Variants in ATP8B1 observed in about 807,000 individuals in gnomAD.
ATP8B1 encodes ATPase phospholipid transporting 8B1.
In ATP8B1, 80 loss-of-function variants were observed where a neutral mutation model predicts 149.9. The observed-to-expected ratio is 0.53, with a 90% CI of 0.45 to 0.64. The LOEUF is 0.64. Ranked by LOEUF, ATP8B1 falls within the 30% of genes least tolerant of loss-of-function variation. The probability of loss-of-function intolerance (pLI) is 0.00; values close to 1 mark genes in which losing one functional copy is unlikely to be tolerated. For missense variants in ATP8B1, 1,247 were observed against 1,552.6 expected, an observed-to-expected ratio of 0.80 and a Z score of 3.31; for synonymous variants, 536 against 562.8, an observed-to-expected ratio of 0.95 and a Z score of 0.67.
intron 1 of ATP8B1, among the ~76,000 whole-genome samples, chr18:57,736,779 T>A (rs939800923): frequency 6.6e-6 from 1 of 151,916 alleles, no homozygotes; most frequent in African/African-American, 2.4e-5. Flanking sequence ...TGAGTTGACT[T>A]TTGTGTATGG....
At chr18:57,711,741 C>A (rs934328152) in intron 2 of ATP8B1, among the ~76,000 whole-genome samples, 1 of 152,072 alleles carries the variant, frequency 6.6e-6, no homozygotes, top group African/African-American at 2.4e-5. Flanking sequence ...CTAAAGTGCA[C>A]GCCATCGTAC....
intron 1 of ATP8B1, among the ~76,000 whole-genome samples, chr18:57,755,146 G>A (rs909452542): frequency 2.6e-5 from 4 of 152,092 alleles, no homozygotes; most frequent in African/African-American, 9.7e-5. Context: ...GCCTAAAATA[G>A]TCTCAGGTTG....
Position 57,697,649 on chromosome 18 carries a change from G to T in ATP8B1, c.667C>A (p.Leu223Ile). The T allele has an allele frequency of 4.3e-6, 7 of 1,613,948 alleles. No homozygotes were observed. The highest frequency in any genetic ancestry group is 5.9e-6 in the Non-Finnish European group (7 of 1,180,002). ...LLLSSSEPNS[L>I]CYVETAELDG... is the part of the protein sequence containing the mutation. Reference sequence around the variant, plus strand: ...AGTTCTGCTGTTTCCACATAGCAGAGGCTGTTAGGCTCAGAGCTAGACAGC... The same window carrying T: ...AGTTCTGCTGTTTCCACATAGCAGATGCTGTTAGGCTCAGAGCTAGACAGC... Residue 223 changes from leucine to isoleucine, a missense_variant, in exon 8 of 28, where the codon CTC becomes ATC. Around this residue, in one of 3 missense-constraint regions of ATP8B1, gnomAD observed 853 missense variants for 1,035.7 expected, o/e 0.82. Coordinates refer to ENST00000648908, the MANE Select transcript of ATP8B1 (RefSeq NM_001374385.1).
At chr18:57,782,803 C>CTTGTTTTTTTTTT (rs2080369176) in intron 1 of ATP8B1, among the ~76,000 whole-genome samples, 1 of 91,178 alleles carries the variant, frequency 1.1e-5, no homozygotes, top group East Asian at 6.2e-4. Flanking sequence ...TAGTTTGTCT[C>CTTGTTTTTTTTTT]TTTTTTTTTT....
intron 2 of ATP8B1, among the ~76,000 whole-genome samples, chr18:57,724,411 AC>A: frequency 2.1e-5 from 2 of 97,040 alleles, no homozygotes; most frequent in Admixed American, 1.2e-4. Context: ...CAAGAAAAAA[AC>A]AAACAACCCC....
chr18:57,766,428 AT>A (rs1420864314), intron 1 of ATP8B1, among the ~76,000 whole-genome samples: 2 of 152,238 alleles, frequency 1.3e-5, no homozygotes, highest in African/African-American at 4.8e-5. Flanking sequence ...TGCCAAAAGA[AT>A]AACTGGAATT....
chr18:57,670,858 C>A (rs1001336406), intron 17 of ATP8B1, among the ~76,000 whole-genome samples: 1 of 151,864 alleles, frequency 6.6e-6, no homozygotes, highest in Non-Finnish European at 1.5e-5. Flanking sequence ...AGGTGCCCAC[C>A]ACCACACCCA....
chr18:57,683,407 C>G (rs1196263251), intron 15 of ATP8B1, among the ~76,000 whole-genome samples: 1 of 152,206 alleles, frequency 6.6e-6, no homozygotes, highest in Non-Finnish European at 1.5e-5. Flanking sequence ...GACTAGCTTT[C>G]CTTGATACAG....
At chr18:57,658,429 G>A (rs1311306845) in intron 22 of ATP8B1, among the ~76,000 whole-genome samples, 6 of 152,160 alleles carry the variant, frequency 3.9e-5, no homozygotes, top group Non-Finnish European at 5.9e-5. Context: ...CAGCTGGTAT[G>A]AGATATCTTC....
chr18:57,685,657 T>A (rs1402665631), intron 13 of ATP8B1, among the ~76,000 whole-genome samples: 1 of 152,030 alleles, frequency 6.6e-6, no homozygotes, highest in Non-Finnish European at 1.5e-5. Flanking sequence ...ATTGGCTGGG[T>A]GTGGTGGCTC....
intron 1 of ATP8B1, among the ~76,000 whole-genome samples, chr18:57,751,440 C>G (rs1339377248): frequency 6.1e-5 from 9 of 148,634 alleles, no homozygotes; most frequent in Admixed American, 5.4e-4. Flanking sequence ...TGCAGTAAGC[C>G]AAGATGCTGT....
chr18:57,764,780 A>C (rs1040746658), intron 1 of ATP8B1, among the ~76,000 whole-genome samples: 8 of 131,830 alleles, frequency 6.1e-5, no homozygotes, highest in African/African-American at 1.4e-4. Flanking sequence ...AAAAAAAAAA[A>C]CAGAAAATAA....
At position 57,667,142 on chromosome 18, in the gene ATP8B1, A is replaced by C. The variant is rs1304583261; in HGVS notation, c.2235T>G (p.Ala745=). 1.2e-6 allele frequency: 2 copies of C among 1,612,932 alleles called. No individual in the cohort carries two copies. The highest frequency in any genetic ancestry group is 1.6e-4 in the Middle Eastern group (1 of 6,062). The part of the protein sequence containing the change: ...KKETAENIGF[A]CELLTEDTTI... ...TGGTGTCTTCAGTCAGAAGTTCACA[A>C]GCAAATCCTATATTTTCAGCAGTTT... The change falls in exon 20 of 28, where the codon GCT becomes GCG. Residue 745 remains alanine, a synonymous_variant. Transcript: ENST00000648908.
intron 1 of ATP8B1, among the ~76,000 whole-genome samples, chr18:57,794,880 C>T (rs940201067): frequency 1.3e-5 from 2 of 152,136 alleles, no homozygotes; most frequent in African/African-American, 2.4e-5. Context: ...AGGAGAGGCA[C>T]GTGCTGCCTT....
chr18:57,680,851 C>G (rs1482125996), intron 15 of ATP8B1, among the ~76,000 whole-genome samples: 1 of 152,130 alleles, frequency 6.6e-6, no homozygotes, highest in African/African-American at 2.4e-5. Context: ...AACAAGCTCT[C>G]TGATCATTAA....
At chr18:57,721,324 C>A in intron 2 of ATP8B1, among the ~76,000 whole-genome samples, 1 of 148,506 alleles carries the variant, frequency 6.7e-6, no homozygotes, top group African/African-American at 2.5e-5. Flanking sequence ...GAGTCAAGAC[C>A]CATCAGTGTG....
At chr18:57,708,239 C>T (rs1372929975) in intron 2 of ATP8B1, among the ~76,000 whole-genome samples, 1 of 151,172 alleles carries the variant, frequency 6.6e-6, no homozygotes, top group Non-Finnish European at 1.5e-5. Context: ...TTTTTAAAGC[C>T]ACAATATCAC....
At chr18:57,735,975 C>CCA (rs1555651891) in intron 1 of ATP8B1, among the ~76,000 whole-genome samples, 28 of 146,732 alleles carry the variant, frequency 1.9e-4, no homozygotes, top group African/African-American at 6.6e-4. Context: ...TTGCCCCCCC[C>CCA]ACCCCCACCC....
At chr18:57,693,734 T>TA (rs1239666152) in intron 11 of ATP8B1, among the ~76,000 whole-genome samples, 3 of 151,702 alleles carry the variant, frequency 2.0e-5, no homozygotes, top group East Asian at 1.9e-4. Context: ...ATAATAATAA[T>TA]AAAAAAACTC....
Sources: allele counts gnomAD v4.1 joint callset (sites outside exome capture counted in the v4.1 genomes callset), GRCh38; gene constraint gnomAD v4.1.1; regional missense constraint gnomAD v4.1.1; transcripts MANE v1.5; gene names NCBI Gene and HGNC (gene_info 2026-07-23, HGNC 2026-07-21).